The following SYNE2 variants were observed in gnomAD, a reference collection of about 807,000 sequenced individuals.
SYNE2 encodes the protein spectrin repeat containing nuclear envelope protein 2.
A neutral mutation model predicts 856.3 loss-of-function variants in SYNE2; 431 were observed. The ratio of observed to expected loss-of-function variants is 0.50; its 90% CI spans 0.47 to 0.55. SYNE2 has a LOEUF of 0.55. Ranked by LOEUF, SYNE2 falls within the 20% of genes least tolerant of loss-of-function variation. SYNE2 has a pLI of 0.00. For synonymous variants in SYNE2, 2,923 were observed against 2,872.3 expected (o/e 1.02, Z -0.56); for missense variants, 8,129 against 8,023.2 (o/e 1.01, Z -0.50).
At chr14:63,874,436 A>G (rs2094667678) in intron 1 of SYNE2, among the ~76,000 whole-genome samples, 1 of 152,080 alleles carries the variant, frequency 6.6e-6, no homozygotes, top group South Asian at 2.1e-4. Context: ...GGGAGCTAAC[A>G]AAGTACCATA....
chr14:63,906,748 G>A (rs1375575593), intron 1 of SYNE2, among the ~76,000 whole-genome samples: 1 of 152,134 alleles, frequency 6.6e-6, no homozygotes, highest in Non-Finnish European at 1.5e-5. Context: ...GGACTATTTT[G>A]CATGAAATGC....
intron 45 of SYNE2, among the ~76,000 whole-genome samples, chr14:64,041,671 G>A (rs2097149242): frequency 6.6e-6 from 1 of 151,962 alleles, no homozygotes; most frequent in South Asian, 2.1e-4. Flanking sequence ...CAGCATAGAA[G>A]ACCCGATCTC....
At chr14:63,768,242 T>C (rs573361974) in intron 1 of SYNE2, among the ~76,000 whole-genome samples, 3 of 151,746 alleles carry the variant, frequency 2.0e-5, no homozygotes, top group Non-Finnish European at 2.9e-5. Flanking sequence ...TGCCTACAAC[T>C]GAAAGAATTT....
intron 80 of SYNE2, 92 bp from the exon 81 acceptor site, chr14:64,141,249 A>G (rs577266400): frequency 3.2e-5 from 32 of 985,352 alleles, no homozygotes; most frequent in Admixed American, 1.1e-4. Flanking sequence ...TATATTTACT[A>G]TGTTTATTTG....
chr14:64,159,087 T>C (rs1010093821), intron 86 of SYNE2, among the ~76,000 whole-genome samples: 5 of 152,172 alleles, frequency 3.3e-5, no homozygotes, highest in Non-Finnish European at 7.4e-5. Context: ...CCTTTTTTTT[T>C]TCAGTATGCC....
At chr14:64,194,960 T>G (rs1433467985) in intron 99 of SYNE2, among the ~76,000 whole-genome samples, 1 of 152,156 alleles carries the variant, frequency 6.6e-6, no homozygotes, top group Non-Finnish European at 1.5e-5. Flanking sequence ...TACTTTTGTT[T>G]CCCAGAACTC....
intron 1 of SYNE2, among the ~76,000 whole-genome samples, chr14:63,783,528 C>T (rs1332824284): frequency 1.3e-5 from 2 of 152,156 alleles, no homozygotes; most frequent in Non-Finnish European, 2.9e-5. Context: ...CAGGCGCACG[C>T]CACGACGGTC....
At chr14:64,089,801 A>C in intron 59 of SYNE2, 105 bp downstream of exon 59, 1 of 967,502 alleles carries the variant, frequency 1.0e-6, no homozygotes. Context: ...TTACCAGAGT[A>C]ATAGCAAAAT....
intron 35 of SYNE2, among the ~76,000 whole-genome samples, chr14:64,021,096 A>G (rs996714563): frequency 6.6e-6 from 1 of 152,220 alleles, no homozygotes; most frequent in Non-Finnish European, 1.5e-5. Context: ...GTCTCTTAGA[A>G]AAAAATCAGA....
chr14:63,933,184 C>T (rs2095787919), intron 2 of SYNE2, among the ~76,000 whole-genome samples: 1 of 152,188 alleles, frequency 6.6e-6, no homozygotes, highest in Admixed American at 6.5e-5. Flanking sequence ...GGAGATGCCA[C>T]ATTTTAATCC....
intron 83 of SYNE2, 137 bp downstream of exon 83, chr14:64,144,085 C>A: frequency 1.9e-6 from 2 of 1,053,898 alleles, no homozygotes; most frequent in Non-Finnish European, 2.9e-6. Flanking sequence ...TTTTATAAAT[C>A]CTATGTTTTA....
chr14:63,790,508 C>G (rs556512233), intron 1 of SYNE2, among the ~76,000 whole-genome samples: 1 of 152,196 alleles, frequency 6.6e-6, no homozygotes, highest in South Asian at 2.1e-4. Flanking sequence ...ATAAAGAATA[C>G]CTTTTACTTT....
intron 8 of SYNE2, among the ~76,000 whole-genome samples, chr14:63,955,947 A>T (rs1316940036): frequency 1.3e-5 from 2 of 152,204 alleles, no homozygotes; most frequent in South Asian, 2.1e-4. Flanking sequence ...GGTATATCAG[A>T]ACTTCATATG....
At chr14:63,907,831 A>G (rs1340764015) in intron 1 of SYNE2, among the ~76,000 whole-genome samples, 2 of 152,188 alleles carry the variant, frequency 1.3e-5, no homozygotes, top group Non-Finnish European at 1.5e-5. Context: ...CTTTTTGGTT[A>G]GAATCTCTCA....
intron 96 of SYNE2, among the ~76,000 whole-genome samples, chr14:64,183,643 C>G (rs916569951): frequency 1.1e-4 from 16 of 152,316 alleles, no homozygotes; most frequent in Non-Finnish European, 1.9e-4. Context: ...ACTGAGTGAA[C>G]GAGACTCCGT....
chr14:64,021,646 T>C, intron 36 of SYNE2, 131 bp downstream of exon 36: 1 of 1,234,728 alleles, frequency 8.1e-7, no homozygotes, highest in Non-Finnish European at 1.1e-6. Flanking sequence ...ACCGCTTTTG[T>C]ATATTTAGCA....
In SYNE2 at chr14:64,093,498, A is replaced by G. The variant is rs200897155; in HGVS notation, c.12108+18A>G. The G allele has an allele frequency of 1.2e-4, 187 of 1,614,128 alleles. No individual in the cohort carries two copies. The highest frequency in any genetic ancestry group is 1.6e-4 in the Non-Finnish European group (184 of 1,179,958). On this transcript the variant is annotated intron_variant, in intron 61 of 115. Transcript: ENST00000555002. ...AACTACAGGTATGTTTCTTTCATTC[A>G]TAAAGGTATGTTTCATTTGTCCATC...
intron 1 of SYNE2, among the ~76,000 whole-genome samples, chr14:63,788,901 T>G (rs1887637040): frequency 6.6e-6 from 1 of 152,236 alleles, no homozygotes; most frequent in South Asian, 2.1e-4. Context: ...CAAAGAGATA[T>G]CTGCACTCCC....
intron 55 of SYNE2, among the ~76,000 whole-genome samples, chr14:64,080,086 A>C (rs750572548): frequency 6.6e-6 from 1 of 151,844 alleles, no homozygotes; most frequent in Non-Finnish European, 1.5e-5. Context: ...TGTGTGTATG[A>C]ACTAGTGTAA....
Sources: allele counts gnomAD v4.1 joint callset (sites outside exome capture counted in the v4.1 genomes callset), GRCh38; gene constraint gnomAD v4.1.1; transcripts MANE v1.5; gene names NCBI Gene and HGNC (gene_info 2026-07-23, HGNC 2026-07-21).